The following SOX5 variants were observed in gnomAD, a reference collection of about 807,000 sequenced individuals.
The protein encoded by SOX5 is transcription factor SOX-5.
A neutral mutation model predicts 92.0 loss-of-function variants in SOX5; 9 were observed. The ratio of observed to expected loss-of-function variants is 0.10; its 90% confidence interval spans 0.06 to 0.17. The LOEUF is 0.17. SOX5 is among the 10% of genes least tolerant of loss of function. The pLI is 1.00. For missense variants in SOX5, 642 were observed against 944.5 expected (o/e 0.68, Z 4.20); for synonymous variants, 344 against 336.3 (o/e 1.02, Z -0.25).
intron 3 of SOX5, among the ~76,000 whole-genome samples, chr12:24,254,497 G>T (rs1565760644): frequency 4.0e-5 from 6 of 151,032 alleles, no homozygotes; most frequent in African/African-American, 1.2e-4. Context: ...CTACAGTAGG[G>T]AAAAAAAATC....
chr12:23,992,864 T>C (rs1376139507), intron 4 of SOX5, among the ~76,000 whole-genome samples: 1 of 152,206 alleles, frequency 6.6e-6, no homozygotes, highest in African/African-American at 2.4e-5. Flanking sequence ...CCATAAAGCA[T>C]GCATGACAAA....
chr12:23,713,832 C>T (rs1235057962), intron 6 of SOX5, among the ~76,000 whole-genome samples: 1 of 150,912 alleles, frequency 6.6e-6, no homozygotes, highest in Non-Finnish European at 1.5e-5. Flanking sequence ...GTGGCTCACA[C>T]TGTAATCCCA....
chr12:24,112,517 G>GT (rs1489066362), intron 4 of SOX5, among the ~76,000 whole-genome samples: 3 of 125,094 alleles, frequency 2.4e-5, no homozygotes, highest in Non-Finnish European at 5.0e-5. Context: ...CAACTTCAAG[G>GT]TTCCTTTTTT....
chr12:24,506,951 C>A (rs749960765), intron 1 of SOX5, among the ~76,000 whole-genome samples: 125 of 151,736 alleles, frequency 8.2e-4, no homozygotes, highest in Non-Finnish European at 1.5e-3. Context: ...CCACTGCACC[C>A]GGCTAATTTT....
intron 4 of SOX5, among the ~76,000 whole-genome samples, chr12:24,180,637 A>G (rs1955388564): frequency 6.6e-6 from 1 of 152,156 alleles, no homozygotes; most frequent in South Asian, 2.1e-4. Flanking sequence ...TTAACATACC[A>G]TTGAGTTTCT....
At chr12:24,095,690 T>A (rs1264886944) in intron 4 of SOX5, among the ~76,000 whole-genome samples, 1 of 152,104 alleles carries the variant, frequency 6.6e-6, no homozygotes, top group Non-Finnish European at 1.5e-5. Flanking sequence ...AATCCCCGCG[T>A]GTCAAAGGGG....
chr12:23,579,338 T>C (rs1949726026), intron 9 of SOX5, among the ~76,000 whole-genome samples: 1 of 152,168 alleles, frequency 6.6e-6, no homozygotes, highest in African/African-American at 2.4e-5. Flanking sequence ...AAAATTGCCC[T>C]TTCCTTCTCT....
chr12:23,630,696 C>A (rs191893623), intron 8 of SOX5, among the ~76,000 whole-genome samples: 1 of 151,986 alleles, frequency 6.6e-6, no homozygotes, highest in East Asian at 1.9e-4. Context: ...AATAAGAGGT[C>A]ATTTATACCC....
At chr12:24,358,296 T>C (rs1019208907) in intron 2 of SOX5, among the ~76,000 whole-genome samples, 3 of 152,220 alleles carry the variant, frequency 2.0e-5, no homozygotes, top group African/African-American at 7.2e-5. Flanking sequence ...TGACTATTTT[T>C]ATATAAAATT....
chr12:24,418,133 T>C (rs1297429888), intron 1 of SOX5, among the ~76,000 whole-genome samples: 1 of 152,200 alleles, frequency 6.6e-6, no homozygotes, highest in African/African-American at 2.4e-5. Context: ...TGGTTCATTA[T>C]TTACTCACGT....
intron 1 of SOX5, among the ~76,000 whole-genome samples, chr12:24,442,494 G>T (rs1371190401): frequency 6.6e-6 from 1 of 152,210 alleles, no homozygotes; most frequent in Non-Finnish European, 1.5e-5. Flanking sequence ...AGAAGAGAGA[G>T]AGATTGTCAT....
rs1159533732 is a variant in SOX5, at chr12:24,501,335, T to C, written c.-251+60994A>G. ...ATAAAGGACCAGGATAGGGGCAAGA[T>C]ATGTGCGTTTGGGTAGTACTTCAAC... On this transcript the variant is annotated intron_variant, in intron 1 of 4. Coordinates refer to the SOX5 transcript ENST00000446891. Among the ~76,000 whole-genome samples, 5 of 149,164 alleles carry C rather than the reference T, an allele frequency of 3.4e-5. No individual in the cohort carries two copies. The South Asian group carries it at 8.5e-4, about 25-fold the overall frequency.
chr12:24,362,599 G>T (rs1955705294), intron 2 of SOX5, among the ~76,000 whole-genome samples: 1 of 152,042 alleles, frequency 6.6e-6, no homozygotes, highest in South Asian at 2.1e-4. Flanking sequence ...ATTCTTCACA[G>T]CCCAGTTCTC....
intron 3 of SOX5, among the ~76,000 whole-genome samples, chr12:24,226,319 T>A (rs185833545): frequency 1.1e-4 from 16 of 152,254 alleles, no homozygotes; most frequent in African/African-American, 3.4e-4. Flanking sequence ...AACAAGCAAA[T>A]GTATGTATTT....
chr12:24,263,477 G>A (rs779935333), intron 3 of SOX5, among the ~76,000 whole-genome samples: 3 of 142,816 alleles, frequency 2.1e-5, no homozygotes, highest in Non-Finnish European at 4.5e-5. Flanking sequence ...GCAGCGAACC[G>A]AGGCCGTGTC....
chr12:23,662,737 G>A (rs188711575), intron 7 of SOX5, among the ~76,000 whole-genome samples: 83 of 152,170 alleles, frequency 5.5e-4, no homozygotes, highest in African/African-American at 2.0e-3. Flanking sequence ...CTCTAGTTTA[G>A]TCCCAGAGAT....
intron 2 of SOX5, among the ~76,000 whole-genome samples, chr12:24,338,516 T>C (rs556328760): frequency 6.6e-6 from 1 of 152,358 alleles, no homozygotes; most frequent in East Asian, 1.9e-4. Context: ...TATTTAATGC[T>C]TGTAATGGTG....
At chr12:24,370,377 C>T (rs183684640) in intron 1 of SOX5, among the ~76,000 whole-genome samples, 2 of 142,888 alleles carry the variant, frequency 1.4e-5, no homozygotes, top group Admixed American at 1.5e-4. Context: ...CTCAGGAGGC[C>T]GAGGCAGGAG....
intron 2 of SOX5, among the ~76,000 whole-genome samples, chr12:23,848,256 C>G (rs970811056): frequency 6.6e-6 from 1 of 152,092 alleles, no homozygotes; most frequent in African/African-American, 2.4e-5. Context: ...GAAATCAAGT[C>G]TATTAAAATA....
Sources: gnomAD v4.1 joint callset for allele counts (sites outside exome capture counted in the v4.1 genomes callset) on GRCh38, gnomAD v4.1.1 for gene constraint, MANE v1.5 for transcripts, NCBI Gene and HGNC (gene_info 2026-07-23, HGNC 2026-07-21) for gene names.